Variants in DIAPH2 observed in about 807,000 individuals in gnomAD.
DIAPH2 encodes the protein protein diaphanous homolog 2.
Under a neutral mutation model 92.7 loss-of-function variants are expected in DIAPH2, and 35 were observed. The ratio of observed to expected loss-of-function variants is 0.38; its 90% CI spans 0.29 to 0.50. The LOEUF (loss-of-function observed/expected upper bound fraction) is 0.50. Ranked by LOEUF, DIAPH2 falls within the 20% of genes least tolerant of loss-of-function variation. DIAPH2 has a pLI of 0.94. For synonymous variants in DIAPH2, 301 were observed against 280.4 expected (o/e 1.07, Z -0.73); for missense variants, 701 against 819.5 (o/e 0.86, Z 1.77).
intron 17 of DIAPH2, among the ~76,000 whole-genome samples, chrX:96,973,985 G>A (rs186336186): frequency 1.1e-3 from 126 of 111,833 alleles, no homozygotes; most frequent in African/African-American, 3.5e-3. Context: ...GTGTGCCACC[G>A]CACCCAGCCA....
intron 26 of DIAPH2, among the ~76,000 whole-genome samples, chrX:97,573,842 G>C (rs914659367): frequency 2.7e-5 from 3 of 109,684 alleles, no homozygotes; most frequent in African/African-American, 1.0e-4. Context: ...TGTATTTTCA[G>C]TACAGACAGG....
intron 26 of DIAPH2, among the ~76,000 whole-genome samples, chrX:97,578,632 C>T (rs1355711667): frequency 4.9e-5 from 4 of 81,540 alleles, no homozygotes; most frequent in Non-Finnish European, 7.1e-5. Flanking sequence ...AATAAACATA[C>T]GTGTGCATGT....
intron 4 of DIAPH2, among the ~76,000 whole-genome samples, chrX:96,845,945 T>A (rs774850034): frequency 9.1e-6 from 1 of 109,831 alleles, no homozygotes; most frequent in Non-Finnish European, 1.9e-5. Context: ...CACGCCCAGT[T>A]AATTTTTGTA....
intron 4 of DIAPH2, among the ~76,000 whole-genome samples, chrX:96,759,821 G>T (rs909611187): frequency 9.0e-6 from 1 of 111,571 alleles, no homozygotes; most frequent in Non-Finnish European, 1.9e-5. Flanking sequence ...CATGATTTCT[G>T]TGCAGAACTT....
Position 97,258,988 on chromosome X carries a change from C to T in DIAPH2, c.2844+11149C>T, listed in dbSNP as rs760803269. On this transcript the variant is annotated intron_variant, in intron 23 of 26. Transcript: ENST00000324765. Reference sequence around the variant, plus strand: ...TAAGACAATGTATGTGAACGCTCAACACAGACAGAAAACCTCTACTGATAT... The same window carrying T: ...TAAGACAATGTATGTGAACGCTCAATACAGACAGAAAACCTCTACTGATAT... 5.4e-5 allele frequency among the ~76,000 whole-genome samples: 6 copies of T among 110,922 alleles called. No individual in the cohort carries two copies. The South Asian group carries it at 1.5e-3, about 28-fold the overall frequency.
chrX:96,906,412 A>G (rs2065434434), intron 5 of DIAPH2, among the ~76,000 whole-genome samples: 1 of 112,647 alleles, frequency 8.9e-6, no homozygotes, highest in Admixed American at 9.3e-5. Flanking sequence ...TAAAATTCAT[A>G]CTGCATTTTG....
chrX:96,948,957 G>A lies in DIAPH2; in HGVS notation c.1532G>A (p.Arg511Gln), dbSNP rs201017046. The A allele has an allele frequency of 1.7e-6, 2 of 1,198,320 alleles. No homozygotes were observed. Among genetic ancestry groups the A allele is most frequent in the Non-Finnish European group, 2.3e-6 (2 of 888,547 alleles). The change falls in exon 15 of 27, where the codon CGA becomes CAA. Residue 511 changes from arginine to glutamine, a missense_variant. Around this residue, in one of 3 missense-constraint regions of DIAPH2, gnomAD observed 536 missense variants for 599.3 expected, o/e 0.89. Transcript: ENST00000324765. ...SKKFDEEFTA[R>Q]QEAQAELQKR... is the part of the protein sequence containing the mutation. Reference sequence around the variant, plus strand: ...CAGTTCGATGAAGAATTCACAGCTCGACAGGAAGCTCAAGCAGAGCTTCAA... The same window carrying A: ...CAGTTCGATGAAGAATTCACAGCTCAACAGGAAGCTCAAGCAGAGCTTCAA...
At chrX:96,980,777 G>C (rs1005471032) in intron 17 of DIAPH2, among the ~76,000 whole-genome samples, 1 of 109,810 alleles carries the variant, frequency 9.1e-6, no homozygotes, top group Non-Finnish European at 1.9e-5. Flanking sequence ...CTATATAATT[G>C]AGTCTGGCTG....
rs770225424 is a variant in DIAPH2 at position 97,384,006 on chromosome X, G to T, written c.3107G>T (p.Arg1036Leu). 1.5e-5 allele frequency: 18 copies of T among 1,199,758 alleles called. No homozygotes were observed. Among genetic ancestry groups the T allele is most frequent in the Non-Finnish European group, 2.0e-5 (18 of 890,315 alleles). ...KEKAEQEKLE[R>L]QKKKKQLIDI... ...AAAGCTGAACAAGAAAAGTTAGAAC[G>T]CCAGAAGAAAAAGAAACAACTCATT... The change falls in exon 25 of 27, where the codon CGC becomes CTC. Residue 1036 changes from arginine (R) to leucine (L), a missense_variant. Around this residue, in one of 3 missense-constraint regions of DIAPH2, gnomAD observed 536 missense variants for 599.3 expected, o/e 0.89. Coordinates refer to ENST00000324765, the MANE Select transcript of DIAPH2 (RefSeq NM_006729.5).
At chrX:96,749,766 T>A (rs2064175677) in intron 3 of DIAPH2, among the ~76,000 whole-genome samples, 1 of 111,640 alleles carries the variant, frequency 9.0e-6, no homozygotes, top group African/African-American at 3.3e-5. Flanking sequence ...TTTTTTCTTC[T>A]ACATTATTAA....
At chrX:97,569,541 T>G (rs1397588275) in intron 26 of DIAPH2, among the ~76,000 whole-genome samples, 1 of 111,538 alleles carries the variant, frequency 9.0e-6, no homozygotes, top group Non-Finnish European at 1.9e-5. Context: ...AATGTGTACT[T>G]AAGGACTTTG....
chrX:97,393,141 A>G (rs978657102), intron 25 of DIAPH2, among the ~76,000 whole-genome samples: 2 of 111,227 alleles, frequency 1.8e-5, no homozygotes, highest in Non-Finnish European at 3.8e-5. Flanking sequence ...TGTAGCTGGA[A>G]AAGAACAGTG....
At chrX:96,857,820 T>A (rs896711253) in intron 4 of DIAPH2, among the ~76,000 whole-genome samples, 7 of 112,590 alleles carry the variant, frequency 6.2e-5, no homozygotes, top group African/African-American at 2.3e-4. Flanking sequence ...CTGCCCTGCA[T>A]GTCACACATG....
chrX:97,357,218 A>G (rs2069275972), intron 24 of DIAPH2, among the ~76,000 whole-genome samples: 1 of 111,830 alleles, frequency 8.9e-6, no homozygotes, highest in African/African-American at 3.3e-5. Flanking sequence ...GGCCAGAGGT[A>G]TTGATTGTGA....
chrX:97,469,636 A>G (rs2070545142), intron 26 of DIAPH2: 2 of 1,075,614 alleles, frequency 1.9e-6, no homozygotes, highest in Non-Finnish European at 2.5e-6. Context: ...TAGGTGCATT[A>G]TGTTTTTTTA....
intron 26 of DIAPH2, among the ~76,000 whole-genome samples, chrX:97,544,899 A>G (rs1450009130): frequency 9.0e-6 from 1 of 111,535 alleles, no homozygotes; most frequent in Non-Finnish European, 1.9e-5. Flanking sequence ...AATTTATTCA[A>G]TTCCCAGAGT....
intron 17 of DIAPH2, among the ~76,000 whole-genome samples, chrX:96,985,129 T>A (rs1013059126): frequency 3.6e-5 from 4 of 111,395 alleles, no homozygotes; most frequent in African/African-American, 1.3e-4. Context: ...TTTTATATAT[T>A]TATGAAGTAT....
chrX:97,001,640 C>T (rs1353747259), intron 17 of DIAPH2, among the ~76,000 whole-genome samples: 1 of 111,181 alleles, frequency 9.0e-6, no homozygotes, highest in Non-Finnish European at 1.9e-5. Context: ...TGTGAGACTC[C>T]ACCTCAAAAA....
chrX:97,575,765 A>T (rs1389806699), intron 26 of DIAPH2, among the ~76,000 whole-genome samples: 1 of 111,840 alleles, frequency 8.9e-6, no homozygotes, highest in Non-Finnish European at 1.9e-5. Context: ...CATGCAGGAG[A>T]TAGAATAGTT....
Sources: gnomAD v4.1 joint callset for allele counts (sites outside exome capture counted in the v4.1 genomes callset) on GRCh38, gnomAD v4.1.1 for gene constraint, gnomAD v4.1.1 regional missense constraint, MANE v1.5 for transcripts, NCBI Gene and HGNC (gene_info 2026-07-23, HGNC 2026-07-21) for gene names.